PRDM10: variants seen among roughly 807,000 people sequenced by gnomAD.
PRDM10 encodes the protein PR/SET domain 10, also known as PR domain zinc finger protein 10.
A neutral mutation model predicts 133.1 loss-of-function variants in PRDM10; 65 were observed. That is an observed-to-expected ratio of 0.49 (90% CI 0.40 to 0.60). The LOEUF (loss-of-function observed/expected upper bound fraction) is 0.60. Ranked by LOEUF, PRDM10 falls within the 20% of genes least tolerant of loss-of-function variation. The pLI is 0.00. For synonymous variants in PRDM10, 582 were observed against 580.4 expected (o/e 1.00, Z -0.04); for missense variants, 1,137 against 1,507.1 (o/e 0.75, Z 4.07).
At chr11:129,998,782 T>C (rs560053799) in intron 1 of PRDM10, among the ~76,000 whole-genome samples, 1 of 151,478 alleles carries the variant, frequency 6.6e-6, no homozygotes, top group Admixed American at 6.6e-5. Context: ...GCCAGAGTGC[T>C]CCACACAAGT....
intron 1 of PRDM10, among the ~76,000 whole-genome samples, chr11:129,971,252 G>A (rs746219150): frequency 5.9e-5 from 9 of 152,176 alleles, no homozygotes; most frequent in Non-Finnish European, 1.0e-4. Flanking sequence ...AAGGGGACCC[G>A]AGCGAGTTGC....
intron 17 of PRDM10, among the ~76,000 whole-genome samples, chr11:129,913,188 A>C (rs1327361145): frequency 1.4e-5 from 2 of 147,824 alleles, no homozygotes; most frequent in African/African-American, 2.5e-5. Context: ...ACTGCACTCC[A>C]GCCTGGGTGA....
intron 20 of PRDM10, among the ~76,000 whole-genome samples, chr11:129,904,486 C>T (rs1949949689): frequency 6.6e-6 from 1 of 152,086 alleles, no homozygotes; most frequent in Admixed American, 6.6e-5. Context: ...AACTTATTCA[C>T]CCAGGAGTAT....
chr11:130,002,279 G>A (rs1050658524), intron 1 of PRDM10, among the ~76,000 whole-genome samples: 4 of 151,202 alleles, frequency 2.6e-5, no homozygotes, highest in Admixed American at 6.6e-5. Flanking sequence ...ACGCGGGCAG[G>A]GGAGGAGAGG....
chr11:129,979,184 T>C (rs1007836776), intron 1 of PRDM10, among the ~76,000 whole-genome samples: 4 of 152,218 alleles, frequency 2.6e-5, no homozygotes, highest in Admixed American at 1.3e-4. Flanking sequence ...GAGTTCTCTG[T>C]TCTATCCTCA....
At position 129,904,728 on chromosome 11, in the gene PRDM10, GACCTC is replaced by G. The variant is rs374498852; in HGVS notation, c.3267+905_3267+909del. 8.9e-4 allele frequency among the ~76,000 whole-genome samples: 135 copies of G among 152,328 alleles called. 4 individuals are homozygous for G. In the South Asian group the frequency reaches 0.027, roughly 30 times the overall value. The stretch of plus-strand genomic sequence containing the variant: ...TTGGCCAAGTTGGTCTTGAACTCCT[GACCTC>G]AAGTGATCTGCCTGCCTTGGCCCCC... On this transcript the variant is annotated intron_variant, in intron 20 of 20. Coordinates refer to ENST00000360871, the MANE Select transcript of PRDM10 (RefSeq NM_199437.2).
chr11:129,925,502 C>CA (rs947878684), intron 11 of PRDM10, among the ~76,000 whole-genome samples: 2 of 151,670 alleles, frequency 1.3e-5, no homozygotes, highest in African/African-American at 4.8e-5. Flanking sequence ...GTTTAAGTAA[C>CA]AAAAAAAGTG....
Position 129,924,899 on chromosome 11 carries a change from A to C in PRDM10, c.1861T>G (p.Phe621Val). The change falls in exon 12 of 21, where the codon TTC (phenylalanine) becomes GTC (valine). Residue 621 changes from phenylalanine (F) to valine (V), a missense_variant. By Grantham distance (50) the Phe-to-Val change is conservative (BLOSUM62 -1). This residue lies in a region of PRDM10 where 635 missense variants were observed against 835.2 expected (regional missense o/e 0.76). Transcript: ENST00000360871. ...YFTCPTCKKR[F>V]PDFIQVKKHV... Reference sequence around the variant, plus strand: ...ACACTCACCTGGATAAAATCTGGGAACCGTTTCTTACAAGTTGGGCAGGTG... The same window carrying C: ...ACACTCACCTGGATAAAATCTGGGACCCGTTTCTTACAAGTTGGGCAGGTG... The C allele has an allele frequency of 1.9e-6, 3 of 1,605,110 alleles. No individual in the cohort carries two copies. Among genetic ancestry groups the C allele is most frequent in the Non-Finnish European group, 2.6e-6 (3 of 1,175,820 alleles).
intron 9 of PRDM10, among the ~76,000 whole-genome samples, chr11:129,933,216 T>C (rs969229121): frequency 2.0e-5 from 3 of 152,256 alleles, no homozygotes; most frequent in African/African-American, 2.4e-5. Context: ...ACAAATACTA[T>C]ATATTTTTTC....
intron 9 of PRDM10, 23 bp downstream of exon 9, chr11:129,935,078 G>C (rs534181188): frequency 6.4e-7 from 1 of 1,562,590 alleles, no homozygotes; most frequent in East Asian, 2.2e-5. Flanking sequence ...CTCAGTCTGT[G>C]AGCATTTCTC....
chr11:129,944,521 C>G (rs1236796514), intron 6 of PRDM10, among the ~76,000 whole-genome samples: 4 of 150,792 alleles, frequency 2.7e-5, no homozygotes, highest in African/African-American at 4.9e-5. Flanking sequence ...GAAGGCGGAG[C>G]TTGCAGTGAG....
At position 129,978,240 on chromosome 11, in the gene PRDM10, G is replaced by A. The variant is rs544273748; in HGVS notation, c.-118-17158C>T. Among the ~76,000 whole-genome samples the A allele has an allele frequency of 9.8e-5, 15 of 152,320 alleles. No individual in the cohort carries two copies. The South Asian group carries it at 3.1e-3, about 32-fold the overall frequency. The stretch of plus-strand genomic sequence containing the variant: ...TGACCAGTTGTTTCAAGTGTGGACA[G>A]TGAGGCACATGATGGAGCTCTGGAA... On this transcript the variant is annotated intron_variant, in intron 1 of 20. Coordinates refer to ENST00000360871, the MANE Select transcript of PRDM10 (RefSeq NM_199437.2).
At position 129,924,936 on chromosome 11, in the gene PRDM10, A is replaced by G. The variant is rs1950630436; in HGVS notation, c.1824T>C (p.Asn608=). Residue 608 remains asparagine (N), a synonymous_variant, in exon 12 of 21, where the codon AAT becomes AAC. Transcript: ENST00000360871. ...AAGTTGGGCAGGTGAAGTAGCCATC[A>G]TTGATATGAATGGCCACATGATCTT... ...LLKDHVAIHI[N]DGYFTCPTCK... 1 of 1,614,002 alleles carries G rather than the reference A, an allele frequency of 6.2e-7. No homozygotes were observed. The highest frequency in any genetic ancestry group is 1.3e-5 in the African/African-American group (1 of 74,946).
At chr11:129,911,058 G>A (rs1317192597) in intron 18 of PRDM10, among the ~76,000 whole-genome samples, 1 of 152,208 alleles carries the variant, frequency 6.6e-6, no homozygotes, top group Non-Finnish European at 1.5e-5. Flanking sequence ...TTACAGGCAT[G>A]AGACACAACG....
intron 7 of PRDM10, among the ~76,000 whole-genome samples, chr11:129,941,217 ATTTCTTGCCTATTTTTCATT>A (rs1473310214): frequency 2.0e-5 from 3 of 152,162 alleles, no homozygotes; most frequent in Non-Finnish European, 2.9e-5. Flanking sequence ...TTATATGATC[ATTTCTTGCCTATTTTTCATT>A]TATATCAGGA....
intron 1 of PRDM10, among the ~76,000 whole-genome samples, chr11:130,001,666 C>A (rs959060990): frequency 5.3e-5 from 8 of 152,242 alleles, no homozygotes; most frequent in African/African-American, 1.9e-4. Flanking sequence ...GCGCTGCGTT[C>A]GCGTGGCTGG....
intron 1 of PRDM10, among the ~76,000 whole-genome samples, chr11:129,978,735 C>T (rs1437440614): frequency 2.0e-5 from 3 of 152,232 alleles, no homozygotes; most frequent in Non-Finnish European, 2.9e-5. Context: ...CAGAGACTAT[C>T]AGCTCAGGTT....
intron 19 of PRDM10, among the ~76,000 whole-genome samples, chr11:129,907,507 C>T (rs909841357): frequency 2.6e-5 from 4 of 152,036 alleles, no homozygotes; most frequent in African/African-American, 9.7e-5. Context: ...TGGATTCAAG[C>T]GATTCTCCTG....
intron 9 of PRDM10, among the ~76,000 whole-genome samples, chr11:129,934,675 C>G (rs888857049): frequency 6.6e-6 from 1 of 152,178 alleles, no homozygotes; most frequent in Non-Finnish European, 1.5e-5. Context: ...CTGATCTGGC[C>G]CCTGCCCACT....
Sources: allele counts gnomAD v4.1 joint callset (sites outside exome capture counted in the v4.1 genomes callset), GRCh38; gene constraint gnomAD v4.1.1; regional missense constraint gnomAD v4.1.1; transcripts MANE v1.5; gene names NCBI Gene and HGNC (gene_info 2026-07-23, HGNC 2026-07-21).